The following EFHD1 variants were observed in gnomAD, a reference collection of about 807,000 sequenced individuals.
EFHD1 encodes the protein EF-hand domain family member D1.
EFHD1 carries 10 observed loss-of-function variants against 17.2 expected under a neutral mutation model. The ratio of observed to expected loss-of-function variants is 0.58; its 90% CI spans 0.36 to 0.99. The LOEUF (loss-of-function observed/expected upper bound fraction) is 0.99, where lower values mean the gene tolerates loss of function less well. EFHD1 is among the 50% of genes least tolerant of loss of function. The probability of loss-of-function intolerance (pLI) is 0.01; values close to 1 mark genes in which losing one functional copy is unlikely to be tolerated. For missense variants in EFHD1, 310 were observed against 327.5 expected, an observed-to-expected ratio of 0.95 and a Z score of 0.41; for synonymous variants, 153 against 142.0, an observed-to-expected ratio of 1.08 and a Z score of -0.55.
At chr2:232,642,122 C>T (rs1694443325) in intron 1 of EFHD1, among the ~76,000 whole-genome samples, 3 of 152,108 alleles carry the variant, frequency 2.0e-5, no homozygotes, top group South Asian at 2.1e-4. Context: ...TGGTGGCTCA[C>T]GCCTGTAATC....
At chr2:232,606,131 C>G (rs1178936844) in exon 1 of EFHD1, 4 of 1,550,008 alleles carry the variant, frequency 2.6e-6, no homozygotes, top group Non-Finnish European at 3.5e-6. Flanking sequence ...AGGCCAAGAT[C>G]TGTAACGCTG....
intron 1 of EFHD1, among the ~76,000 whole-genome samples, chr2:232,624,262 C>T (rs1694070821): frequency 1.3e-5 from 2 of 152,168 alleles, no homozygotes; most frequent in South Asian, 4.1e-4. Context: ...AATCAGCCCC[C>T]TGGGGGTGCT....
intron 1 of EFHD1, among the ~76,000 whole-genome samples, chr2:232,641,803 G>A (rs1030409922): frequency 6.6e-6 from 1 of 152,210 alleles, no homozygotes; most frequent in African/African-American, 2.4e-5. Context: ...CCTCCCATCA[G>A]TGGCCTCAGG....
At chr2:232,670,460 AATTT>A (rs1170751948) in intron 2 of EFHD1, among the ~76,000 whole-genome samples, 1 of 152,028 alleles carries the variant, frequency 6.6e-6, no homozygotes, top group African/African-American at 2.4e-5. Context: ...AAGGTTGGCC[AATTT>A]ATTTATTTAA....
At chr2:232,620,260 C>T (rs984668244) in intron 1 of EFHD1, among the ~76,000 whole-genome samples, 47 of 151,560 alleles carry the variant, frequency 3.1e-4, no homozygotes, top group African/African-American at 1.1e-3. Context: ...CGGTGGCAGG[C>T]ACCTGTAGTC....
intron 1 of EFHD1, among the ~76,000 whole-genome samples, chr2:232,634,994 G>GGCGCTGCGTCGCCTGAGCCT (rs79859174): frequency 0.27 from 40,428 of 151,914 alleles, 6,876 homozygotes; most frequent in Middle Eastern, 0.4. Flanking sequence ...CGCTGTGACT[G>GGCGCTGCGTCGCCTGAGCCT]GCGCTGCGTC....
intron 1 of EFHD1, among the ~76,000 whole-genome samples, chr2:232,607,929 AT>A (rs35873246): frequency 1.3e-5 from 2 of 150,776 alleles, no homozygotes; most frequent in East Asian, 1.9e-4. Context: ...CCCTGTCTCT[AT>A]TTTTTTTAAT....
At chr2:232,666,819 A>G (rs1694975470) in intron 2 of EFHD1, among the ~76,000 whole-genome samples, 1 of 151,930 alleles carries the variant, frequency 6.6e-6, no homozygotes, top group Non-Finnish European at 1.5e-5. Context: ...CTGTTCCATT[A>G]TTTCACCGTG....
At chr2:232,609,607 C>T (rs1264828439) in intron 1 of EFHD1, among the ~76,000 whole-genome samples, 2 of 151,996 alleles carry the variant, frequency 1.3e-5, no homozygotes, top group Non-Finnish European at 2.9e-5. Context: ...AGAGTTAAAC[C>T]CAGAGACAGC....
At chr2:232,673,832 T>C (rs1362999650) in intron 3 of EFHD1, among the ~76,000 whole-genome samples, 11 of 152,154 alleles carry the variant, frequency 7.2e-5, no homozygotes, top group Admixed American at 7.2e-4. Context: ...ACCCAACTTT[T>C]TGTAAAGCAG....
At chr2:232,622,387 T>C (rs1232937165) in intron 1 of EFHD1, among the ~76,000 whole-genome samples, 2 of 149,128 alleles carry the variant, frequency 1.3e-5, no homozygotes, top group African/African-American at 5.0e-5. Context: ...GAGAATTGCT[T>C]GAACCTGGGA....
At chr2:232,621,561 C>T (rs1694018946) in intron 1 of EFHD1, among the ~76,000 whole-genome samples, 1 of 152,022 alleles carries the variant, frequency 6.6e-6, no homozygotes, top group South Asian at 2.1e-4. Context: ...CAAGTGATTC[C>T]CCTGCCTCAG....
intron 1 of EFHD1, among the ~76,000 whole-genome samples, chr2:232,621,954 AG>A (rs1234765876): frequency 1.3e-5 from 2 of 152,222 alleles, no homozygotes; most frequent in African/African-American, 4.8e-5. Context: ...AGAACTCAAA[AG>A]GTTAATTTGT....
intron 2 of EFHD1, among the ~76,000 whole-genome samples, chr2:232,669,660 G>T (rs1695033378): frequency 6.6e-6 from 1 of 150,658 alleles, no homozygotes; most frequent in Non-Finnish European, 1.5e-5. Context: ...GAGTGCAATG[G>T]TACGACCTCG....
intron 1 of EFHD1, among the ~76,000 whole-genome samples, chr2:232,654,769 G>A (rs562852781): frequency 2.0e-5 from 3 of 152,258 alleles, no homozygotes; most frequent in East Asian, 1.9e-4. Context: ...GTTGGGGAGA[G>A]CCTCTTGTCC....
intron 2 of EFHD1, among the ~76,000 whole-genome samples, chr2:232,665,478 G>C (rs1174040442): frequency 2.0e-5 from 3 of 151,950 alleles, no homozygotes; most frequent in African/African-American, 7.3e-5. Context: ...CTGGAGTACA[G>C]TGGTGCAATC....
rs531807074 is a variant in EFHD1 at position 232,659,400 on chromosome 2, G to A, written c.303-3402G>A. ...AGTGGGTGCTATTGGAGAGCTGTGG[G>A]GGAAGCAGGTGGCTCCCTGAGCTCC... is the stretch of plus-strand genomic sequence containing the variant. On this transcript the variant is annotated intron_variant, in intron 1 of 3. Coordinates refer to ENST00000264059, the MANE Select transcript of EFHD1 (RefSeq NM_025202.4). 2.0e-5 allele frequency among the ~76,000 whole-genome samples: 3 copies of A among 152,312 alleles called. No individual in the cohort carries two copies. The South Asian group carries it at 6.2e-4, about 32-fold the overall frequency.
At chr2:232,664,622 T>G (rs1465510176) in intron 2 of EFHD1, among the ~76,000 whole-genome samples, 1 of 140,450 alleles carries the variant, frequency 7.1e-6, no homozygotes, top group Non-Finnish European at 1.5e-5. Context: ...TTTTTTTTTT[T>G]TTTTTTTTTG....
intron 2 of EFHD1, among the ~76,000 whole-genome samples, chr2:232,665,024 A>G (rs778766082): frequency 4.0e-5 from 6 of 151,384 alleles, no homozygotes; most frequent in East Asian, 1.9e-4. Context: ...TGATCCCCCA[A>G]CCTCAGCCTC....
Sources: allele counts gnomAD v4.1 joint callset (sites outside exome capture counted in the v4.1 genomes callset), GRCh38; gene constraint gnomAD v4.1.1; transcripts MANE v1.5; gene names NCBI Gene and HGNC (gene_info 2026-07-23, HGNC 2026-07-21).